The following RARB variants were observed in gnomAD, a reference collection of about 807,000 sequenced individuals.
The protein encoded by RARB is retinoic acid receptor beta.
RARB carries 17 observed loss-of-function variants against 51.9 expected under a neutral mutation model. That is an observed-to-expected ratio of 0.33 (90% CI 0.22 to 0.49). The LOEUF is 0.49. Ranked by LOEUF, RARB falls within the 20% of genes least tolerant of loss-of-function variation. The pLI is 0.99. For missense variants in RARB, 369 were observed against 550.8 expected (o/e 0.67, Z 3.30); for synonymous variants, 215 against 195.4 (o/e 1.10, Z -0.84).
intron 2 of RARB, among the ~76,000 whole-genome samples, chr3:25,008,269 A>C (rs1036131300): frequency 6.6e-6 from 1 of 152,072 alleles, no homozygotes; most frequent in Non-Finnish European, 1.5e-5. Flanking sequence ...GCTACTCTCT[A>C]TAATTTTTTA....
intron 2 of RARB, among the ~76,000 whole-genome samples, chr3:24,945,174 T>G (rs115352069): frequency 6.6e-6 from 1 of 152,234 alleles, no homozygotes; most frequent in Admixed American, 6.5e-5. Context: ...AAACTTCTTT[T>G]GGTTTTATGG....
At chr3:25,511,819 A>G (rs1286751) in intron 3 of RARB, among the ~76,000 whole-genome samples, 77,514 of 151,992 alleles carry the variant, frequency 0.51, 23,826 homozygotes, top group African/African-American at 0.86. Flanking sequence ...GATGGGAAGG[A>G]GGGTCTTGCT....
At chr3:24,852,580 A>AT (rs1443733641) in intron 1 of RARB, among the ~76,000 whole-genome samples, 1 of 152,234 alleles carries the variant, frequency 6.6e-6, no homozygotes, top group Non-Finnish European at 1.5e-5. Context: ...AGCATTATTC[A>AT]TAATAGCCCA....
chr3:24,966,724 T>A (rs1266340847), intron 2 of RARB, among the ~76,000 whole-genome samples: 5 of 151,848 alleles, frequency 3.3e-5, no homozygotes, highest in Non-Finnish European at 5.9e-5. Context: ...AAAGTATGGG[T>A]TCACCCACTT....
intron 3 of RARB, among the ~76,000 whole-genome samples, chr3:25,515,026 A>G (rs1358832585): frequency 6.6e-6 from 1 of 152,178 alleles, no homozygotes; most frequent in Non-Finnish European, 1.5e-5. Flanking sequence ...TGAGTGAGTT[A>G]TTTCAGGAAG....
intron 3 of RARB, among the ~76,000 whole-genome samples, chr3:25,063,444 G>T (rs1698591023): frequency 6.6e-6 from 1 of 151,806 alleles, no homozygotes; most frequent in African/African-American, 2.4e-5. Context: ...CTTTTTATGG[G>T]CTACCTTCTA....
intron 5 of RARB, among the ~76,000 whole-genome samples, chr3:25,207,187 T>A (rs976450325): frequency 1.3e-5 from 2 of 152,204 alleles, no homozygotes; most frequent in Admixed American, 1.3e-4. Flanking sequence ...GGCAGAATAA[T>A]GAGGTCATTT....
intron 5 of RARB, among the ~76,000 whole-genome samples, chr3:25,306,082 G>T (rs969309799): frequency 1.3e-5 from 2 of 152,130 alleles, no homozygotes; most frequent in African/African-American, 2.4e-5. Flanking sequence ...ATAAGTAGCT[G>T]TTATCTGAAA....
At chr3:25,160,388 A>T (rs1257422740) in intron 4 of RARB, among the ~76,000 whole-genome samples, 1 of 152,174 alleles carries the variant, frequency 6.6e-6, no homozygotes, top group Non-Finnish European at 1.5e-5. Context: ...CTTCTTCTAG[A>T]ACCCACGTCT....
intron 2 of RARB, among the ~76,000 whole-genome samples, chr3:24,961,379 C>G (rs960843410): frequency 6.6e-6 from 1 of 152,138 alleles, no homozygotes; most frequent in African/African-American, 2.4e-5. Flanking sequence ...CTGAAATCTC[C>G]CTAACAGACT....
At chr3:25,378,293 A>G (rs1456519737) in intron 5 of RARB, among the ~76,000 whole-genome samples, 1 of 152,190 alleles carries the variant, frequency 6.6e-6, no homozygotes, top group Non-Finnish European at 1.5e-5. Flanking sequence ...ATGAGGATTT[A>G]TGGCTCTACA....
intron 5 of RARB, among the ~76,000 whole-genome samples, chr3:25,221,664 G>C (rs1418577134): frequency 1.3e-5 from 2 of 152,144 alleles, no homozygotes; most frequent in East Asian, 3.9e-4. Flanking sequence ...TTAAAGAGAA[G>C]TCACTTCTCC....
At chr3:25,099,652 G>T (rs1699362467) in intron 3 of RARB, among the ~76,000 whole-genome samples, 1 of 147,908 alleles carries the variant, frequency 6.8e-6, no homozygotes. Flanking sequence ...TTATGTAGTA[G>T]AAGATGCCCA....
rs142658742 is a variant in RARB at position 25,494,250 on chromosome 3, T to TACACACACAC, written c.307-6930_307-6929insACACACACAC. ...TTAGCCCCCTTTTCCAGCTGTATCT[T>TACACACACAC]ACGCACACACACACACACACACACA... On this transcript the variant is annotated intron_variant, in intron 2 of 7. Transcript: ENST00000330688. 2.6e-3 allele frequency among the ~76,000 whole-genome samples: 351 copies of TACACACACAC among 137,170 alleles called. 6 individuals carry two copies. The highest frequency in any genetic ancestry group is 8.2e-3 in the African/African-American group (319 of 38,746). The allele number at this position is 137,170 out of a possible 152,430, so 90.0% of individuals were successfully genotyped here.
At chr3:25,577,080 C>T (rs1700966070) in intron 4 of RARB, among the ~76,000 whole-genome samples, 1 of 152,156 alleles carries the variant, frequency 6.6e-6, no homozygotes, top group Admixed American at 6.5e-5. Flanking sequence ...CTTTAGGAGT[C>T]AGGAAGTTCT....
intron 3 of RARB, among the ~76,000 whole-genome samples, chr3:25,072,095 T>C (rs1425775663): frequency 6.6e-6 from 1 of 152,240 alleles, no homozygotes; most frequent in African/African-American, 2.4e-5. Context: ...TCTTTGCTGC[T>C]AGAAGGCTGC....
At chr3:25,068,597 G>T (rs904726857) in intron 3 of RARB, among the ~76,000 whole-genome samples, 1 of 152,128 alleles carries the variant, frequency 6.6e-6, no homozygotes, top group African/African-American at 2.4e-5. Flanking sequence ...TTGTTAGCTA[G>T]TGCTTTCTTC....
At chr3:24,908,593 A>G (rs1262645254) in intron 2 of RARB, among the ~76,000 whole-genome samples, 2 of 151,878 alleles carry the variant, frequency 1.3e-5, no homozygotes, top group South Asian at 2.1e-4. Flanking sequence ...TGAGGATAGA[A>G]AGTAAATGAC....
In RARB at chr3:25,373,706, T is replaced by G. The variant is rs1706373164; in HGVS notation, c.179-87487T>G. ...ATTAAAAGGGGGCTGTAAACTCCCCTCTACTACCATGGCGGGGAATGGACC... is the reference window on the plus strand; with the variant it reads ...ATTAAAAGGGGGCTGTAAACTCCCCGCTACTACCATGGCGGGGAATGGACC... On this transcript the variant is annotated intron_variant, in intron 5 of 11. Coordinates refer to the RARB transcript ENST00000383772. Among the ~76,000 whole-genome samples the G allele has an allele frequency of 2.6e-5, 4 of 152,180 alleles. No individual in the cohort carries two copies. The South Asian group carries it at 8.3e-4, about 32-fold the overall frequency.
Sources: gnomAD v4.1 joint callset for allele counts (sites outside exome capture counted in the v4.1 genomes callset) on GRCh38, gnomAD v4.1.1 for gene constraint, MANE v1.5 for transcripts, NCBI Gene and HGNC (gene_info 2026-07-23, HGNC 2026-07-21) for gene names.